NKAIN2: variants seen among roughly 807,000 people sequenced by gnomAD.
The protein encoded by NKAIN2 is sodium/potassium transporting ATPase interacting 2, also known as sodium/potassium-transporting ATPase subunit beta-1-interacting protein 2.
In NKAIN2, 14 loss-of-function variants were observed where a neutral mutation model predicts 32.6. The observed-to-expected ratio is 0.43, with a 90% CI of 0.28 to 0.67. NKAIN2 has a LOEUF of 0.67. Among genes scored for constraint, NKAIN2 ranks in the 30% least tolerant of loss-of-function variants. NKAIN2 has a pLI of 0.17. For synonymous variants in NKAIN2, 80 were observed against 87.2 expected (o/e 0.92, Z 0.46); for missense variants, 198 against 258.3 (o/e 0.77, Z 1.60).
At chr6:124,583,242 A>C (rs995900693) in intron 3 of NKAIN2, among the ~76,000 whole-genome samples, 29 of 151,694 alleles carry the variant, frequency 1.9e-4, no homozygotes, top group Admixed American at 1.2e-3. Flanking sequence ...AAAAAAAAAA[A>C]ACATTAAAAT....
intron 3 of NKAIN2, among the ~76,000 whole-genome samples, chr6:124,470,613 T>C (rs1248562783): frequency 6.6e-6 from 1 of 152,176 alleles, no homozygotes; most frequent in East Asian, 1.9e-4. Context: ...AAATCTTTTC[T>C]CTGATCATCC....
intron 1 of NKAIN2, among the ~76,000 whole-genome samples, chr6:123,843,424 T>C (rs959727532): frequency 1.7e-4 from 26 of 152,128 alleles, no homozygotes; most frequent in Non-Finnish European, 2.8e-4. Context: ...CTCTCAATGT[T>C]CAGATGCTTC....
chr6:124,454,095 G>T (rs1008377801), intron 3 of NKAIN2, among the ~76,000 whole-genome samples: 6 of 38,098 alleles, frequency 1.6e-4, no homozygotes, highest in African/African-American at 2.6e-4. Flanking sequence ...TAATATGTTG[G>T]GTTTTTTTTT....
At chr6:124,391,562 T>A (rs1409940777) in intron 3 of NKAIN2, among the ~76,000 whole-genome samples, 1 of 152,108 alleles carries the variant, frequency 6.6e-6, no homozygotes, top group Non-Finnish European at 1.5e-5. Context: ...TCTGCTTCCT[T>A]GCCTCTTAAA....
chr6:123,961,774 T>C (rs1342250417), intron 1 of NKAIN2, among the ~76,000 whole-genome samples: 1 of 152,184 alleles, frequency 6.6e-6, no homozygotes, highest in Non-Finnish European at 1.5e-5. Context: ...TGTAACTTCT[T>C]ACGTTGTTAA....
intron 3 of NKAIN2, among the ~76,000 whole-genome samples, chr6:124,520,134 G>A (rs1324403447): frequency 2.0e-5 from 3 of 152,002 alleles, no homozygotes; most frequent in African/African-American, 7.3e-5. Context: ...TAAACAGAAA[G>A]GCCAATACGA....
chr6:124,547,548 A>G lies in NKAIN2; in HGVS notation c.274-110638A>G, dbSNP rs1349124814. On this transcript the variant is annotated intron_variant, in intron 3 of 6. Coordinates refer to ENST00000368417, the MANE Select transcript of NKAIN2 (RefSeq NM_001040214.3). ...AATTATCCTTTACATTTGTTCAGCCAGCAGCTTAAAAGCAAACCTATTTGG... is the reference window on the plus strand; with the variant it reads ...AATTATCCTTTACATTTGTTCAGCCGGCAGCTTAAAAGCAAACCTATTTGG... 2.0e-5 allele frequency among the ~76,000 whole-genome samples: 3 copies of G among 152,250 alleles called. No homozygotes were observed. In the East Asian group the frequency reaches 5.8e-4, roughly 29 times the overall value.
intron 1 of NKAIN2, among the ~76,000 whole-genome samples, chr6:123,855,705 C>T (rs919849367): frequency 6.6e-6 from 1 of 152,176 alleles, no homozygotes; most frequent in Admixed American, 6.5e-5. Context: ...ATTAAGGAGG[C>T]AGTTCCTGAG....
At chr6:124,732,349 G>A (rs1273201171) in intron 4 of NKAIN2, among the ~76,000 whole-genome samples, 1 of 152,074 alleles carries the variant, frequency 6.6e-6, no homozygotes, top group Non-Finnish European at 1.5e-5. Flanking sequence ...GAATAGGACA[G>A]GGTTTGGTGA....
chr6:124,299,063 A>C (rs2114969939), intron 2 of NKAIN2, among the ~76,000 whole-genome samples: 1 of 152,344 alleles, frequency 6.6e-6, no homozygotes, highest in African/African-American at 2.4e-5. Context: ...CTGCCCTGGC[A>C]GGCAGAAAGA....
At chr6:124,554,173 C>T (rs540498208) in intron 3 of NKAIN2, among the ~76,000 whole-genome samples, 1 of 152,324 alleles carries the variant, frequency 6.6e-6, no homozygotes, top group East Asian at 1.9e-4. Context: ...CCAAATAACT[C>T]TGTCAAGCAA....
At chr6:124,735,553 C>T (rs746234333) in intron 4 of NKAIN2, among the ~76,000 whole-genome samples, 18 of 151,894 alleles carry the variant, frequency 1.2e-4, no homozygotes, top group Middle Eastern at 3.4e-3. Context: ...TTGGGCTTTA[C>T]GGTAATTTTG....
intron 4 of NKAIN2, among the ~76,000 whole-genome samples, chr6:124,746,325 G>A (rs1777449164): frequency 6.6e-6 from 1 of 151,786 alleles, no homozygotes; most frequent in South Asian, 2.1e-4. Flanking sequence ...AAATCACTGA[G>A]AATAATATTA....
chr6:124,395,423 C>T (rs77270565), intron 3 of NKAIN2, among the ~76,000 whole-genome samples: 24,013 of 151,922 alleles, frequency 0.16, 3,162 homozygotes, highest in African/African-American at 0.37. Context: ...ATCATAGATA[C>T]ACTTATAACA....
chr6:124,439,174 G>T (rs1583254495), intron 3 of NKAIN2, among the ~76,000 whole-genome samples: 1 of 152,072 alleles, frequency 6.6e-6, no homozygotes, highest in Non-Finnish European at 1.5e-5. Flanking sequence ...TTACGCTTCC[G>T]CTCTAAAGAA....
intron 1 of NKAIN2, among the ~76,000 whole-genome samples, chr6:124,078,885 G>A (rs928827581): frequency 2.0e-5 from 3 of 149,402 alleles, no homozygotes; most frequent in South Asian, 2.2e-4. Context: ...GTAGATTATT[G>A]GTTTAAATCT....
chr6:124,665,562 A>G (rs1772758012), intron 4 of NKAIN2, among the ~76,000 whole-genome samples: 2 of 152,222 alleles, frequency 1.3e-5, no homozygotes, highest in African/African-American at 2.4e-5. Context: ...TTACCATGAT[A>G]TGACCTACTC....
At chr6:124,034,281 T>G (rs1031838207) in intron 1 of NKAIN2, among the ~76,000 whole-genome samples, 2 of 151,940 alleles carry the variant, frequency 1.3e-5, no homozygotes, top group African/African-American at 4.8e-5. Flanking sequence ...CTTGCCCTTC[T>G]CCCTCCCTCC....
At chr6:124,171,968 A>G (rs1788908052) in intron 1 of NKAIN2, among the ~76,000 whole-genome samples, 1 of 151,244 alleles carries the variant, frequency 6.6e-6, no homozygotes, top group Admixed American at 6.6e-5. Context: ...ACATGCTGCC[A>G]CGCCCAGCTA....
Sources: gnomAD v4.1 joint callset for allele counts (sites outside exome capture counted in the v4.1 genomes callset) on GRCh38, gnomAD v4.1.1 for gene constraint, MANE v1.5 for transcripts, NCBI Gene and HGNC (gene_info 2026-07-23, HGNC 2026-07-21) for gene names.